The following GADL1 variants were observed in gnomAD, a reference collection of about 807,000 sequenced individuals.
The protein encoded by GADL1 is acidic amino acid decarboxylase GADL1.
GADL1 carries 71 observed loss-of-function variants against 69.5 expected under a neutral mutation model. That is an observed-to-expected ratio of 1.02 (90% CI 0.84 to 1.25). The LOEUF (loss-of-function observed/expected upper bound fraction) is 1.25, where lower values mean the gene tolerates loss of function less well. Ranked by LOEUF, GADL1 falls within the 50% of genes most tolerant of loss-of-function variation. GADL1 has a pLI of 0.00. For synonymous variants in GADL1, 254 were observed against 214.4 expected (o/e 1.18, Z -1.62); for missense variants, 737 against 631.8 (o/e 1.17, Z -1.79).
At chr3:30,752,051 C>T (rs1186956833) in intron 14 of GADL1, among the ~76,000 whole-genome samples, 1 of 152,180 alleles carries the variant, frequency 6.6e-6, no homozygotes, top group Non-Finnish European at 1.5e-5. Context: ...CTAAAGGCTA[C>T]CCAGGCCCAT....
At chr3:30,776,992 A>G (rs1013262269) in intron 14 of GADL1, among the ~76,000 whole-genome samples, 4 of 152,212 alleles carry the variant, frequency 2.6e-5, no homozygotes, top group African/African-American at 9.7e-5. Flanking sequence ...ATTGGGGTAG[A>G]TACCCTTTCT....
At chr3:30,734,477 A>C (rs1695511909) in intron 14 of GADL1, among the ~76,000 whole-genome samples, 1 of 152,158 alleles carries the variant, frequency 6.6e-6, no homozygotes, top group Non-Finnish European at 1.5e-5. Flanking sequence ...ATTCAGCTAA[A>C]TATATATCCT....
rs913076638 is a variant in GADL1 at position 30,727,289 on chromosome 3, G to C, written c.*953C>G. On this transcript the variant is annotated 3_prime_UTR_variant, in exon 15 of 15. Transcript: ENST00000282538. Reference sequence around the variant, plus strand: ...TTGTCTACCAAGAAAAAACTAATATGGATATTACATGCATTTCTATTTTGA... The same window carrying C: ...TTGTCTACCAAGAAAAAACTAATATCGATATTACATGCATTTCTATTTTGA... The C allele has an allele frequency of 3.5e-4, 53 of 150,382 alleles. No individual in the cohort carries two copies. The highest frequency in any genetic ancestry group is 1.3e-3 in the African/African-American group (53 of 41,118). The allele number at this position is 150,382 out of a possible 1,614,324, so 9.3% of individuals were successfully genotyped here.
chr3:30,776,297 C>T (rs1696535013), intron 14 of GADL1, among the ~76,000 whole-genome samples: 1 of 152,164 alleles, frequency 6.6e-6, no homozygotes, highest in South Asian at 2.1e-4. Context: ...TCTTTCTCAA[C>T]TTGTAATTTC....
chr3:30,816,534 T>A (rs574183526), intron 11 of GADL1, among the ~76,000 whole-genome samples: 167 of 43,472 alleles, frequency 3.8e-3, no homozygotes, highest in African/African-American at 0.024. Flanking sequence ...TGTTTTCTTT[T>A]TTTTTTTTTT....
intron 14 of GADL1, among the ~76,000 whole-genome samples, chr3:30,729,253 G>C (rs1695418363): frequency 6.6e-6 from 1 of 152,142 alleles, no homozygotes; most frequent in Non-Finnish European, 1.5e-5. Flanking sequence ...GGCCACCAAA[G>C]AGCTAGGTTG....
chr3:30,756,390 A>C (rs1695970566), intron 14 of GADL1, among the ~76,000 whole-genome samples: 1 of 151,870 alleles, frequency 6.6e-6, no homozygotes, highest in Admixed American at 6.5e-5. Context: ...AAAACACTCT[A>C]TAATGTATAA....
At chr3:30,740,091 G>C (rs60776792) in intron 14 of GADL1, among the ~76,000 whole-genome samples, 13,500 of 152,134 alleles carry the variant, frequency 0.089, 1,602 homozygotes, top group African/African-American at 0.27. Context: ...AGGCTACAGA[G>C]GGATAGAGGG....
intron 1 of GADL1, among the ~76,000 whole-genome samples, chr3:30,874,326 A>C (rs1698547112): frequency 6.6e-6 from 1 of 151,988 alleles, no homozygotes; most frequent in Non-Finnish European, 1.5e-5. Context: ...ATGCCCACAC[A>C]TCTCACTGCT....
chr3:30,892,223 T>C (rs775779236), intron 1 of GADL1, among the ~76,000 whole-genome samples: 10 of 152,206 alleles, frequency 6.6e-5, no homozygotes, highest in Admixed American at 2.0e-4. Context: ...GAATAAGAAT[T>C]CTTTATCTGC....
chr3:30,882,838 G>C (rs1281512825), intron 1 of GADL1, among the ~76,000 whole-genome samples: 1 of 151,266 alleles, frequency 6.6e-6, no homozygotes, highest in East Asian at 1.9e-4. Context: ...ATTTTCAGGT[G>C]GTTGGTTTTT....
At chr3:30,751,538 G>A (rs1245588458) in intron 14 of GADL1, among the ~76,000 whole-genome samples, 3 of 150,944 alleles carry the variant, frequency 2.0e-5, no homozygotes, top group Non-Finnish European at 2.9e-5. Context: ...TATGAAAATA[G>A]GCAAGCTGGA....
At position 30,850,954 on chromosome 3, in the gene GADL1, A is replaced by C; in HGVS notation, c.429-13T>G. The C allele has an allele frequency of 7.1e-7, 1 of 1,400,114 alleles. No individual in the cohort carries two copies. The allele number at this position is 1,400,114 out of a possible 1,614,324, so 86.7% of individuals were successfully genotyped here. On this transcript the variant is annotated splice_polypyrimidine_tract_variant and intron_variant, in intron 4 of 14. Coordinates refer to ENST00000282538, the MANE Select transcript of GADL1 (RefSeq NM_207359.3). ...CTCATACGTATAACTAGATAGATAT[A>C]AAAAACACTTCACTTCTATGACTAG...
chr3:30,832,710 T>C (rs1167183110), intron 11 of GADL1, among the ~76,000 whole-genome samples: 2 of 152,058 alleles, frequency 1.3e-5, no homozygotes, highest in Non-Finnish European at 2.9e-5. Flanking sequence ...GTTGATTACG[T>C]TCTTTGGTTC....
intron 11 of GADL1, among the ~76,000 whole-genome samples, chr3:30,826,955 T>TAA (rs200149906): frequency 6.6e-6 from 1 of 151,782 alleles, no homozygotes; most frequent in East Asian, 1.9e-4. Context: ...TGAGAGAAGG[T>TAA]AATGGCTACA....
At chr3:30,843,755 G>A (rs1398965552) in intron 8 of GADL1, among the ~76,000 whole-genome samples, 1 of 152,174 alleles carries the variant, frequency 6.6e-6, no homozygotes, top group East Asian at 1.9e-4. Flanking sequence ...TTTGGGATTG[G>A]AAGCAACCTG....
chr3:30,882,595 T>C (rs780893063), intron 1 of GADL1, among the ~76,000 whole-genome samples: 1 of 152,020 alleles, frequency 6.6e-6, no homozygotes, highest in Non-Finnish European at 1.5e-5. Context: ...AGCTTCCACC[T>C]CTTTACTATC....
chr3:30,850,896 C>G lies in GADL1; in HGVS notation c.474G>C (p.Ala158=), dbSNP rs187843448. The G allele has an allele frequency of 2.6e-6, 4 of 1,550,398 alleles. No homozygotes were observed. The highest frequency in any genetic ancestry group is 2.7e-5 in the African/African-American group (2 of 72,994). Residue 158 remains alanine (A), a synonymous_variant, in exon 5 of 15, where the codon GCG becomes GCC. Coordinates refer to ENST00000282538, the MANE Select transcript of GADL1 (RefSeq NM_207359.3). ...TAAATTCAATCATTTTCTTCAGAAC[C>G]GCTTCTTCCACTAACAGAAACACTG... ...VSPVFLLVEE[A]VLKKMIEFIG...
intron 6 of GADL1, among the ~76,000 whole-genome samples, chr3:30,847,495 T>G (rs1698078188): frequency 6.6e-6 from 1 of 152,138 alleles, no homozygotes; most frequent in Admixed American, 6.6e-5. Context: ...AACACAACCT[T>G]CTTTAATTCT....
Sources: allele counts gnomAD v4.1 joint callset (sites outside exome capture counted in the v4.1 genomes callset), GRCh38; gene constraint gnomAD v4.1.1; transcripts MANE v1.5; gene names NCBI Gene and HGNC (gene_info 2026-07-23, HGNC 2026-07-21).